The following LINGO2 variants were observed in gnomAD, a reference collection of about 807,000 sequenced individuals.
LINGO2 encodes the protein leucine rich repeat and Ig domain containing 2.
LINGO2 carries 14 observed loss-of-function variants against 30.6 expected under a neutral mutation model. The observed-to-expected ratio is 0.46, with a 90% CI of 0.30 to 0.72. The LOEUF is 0.72. Ranked by LOEUF, LINGO2 falls within the 30% of genes least tolerant of loss-of-function variation. LINGO2 has a pLI of 0.07. For missense variants in LINGO2, 729 were observed against 751.7 expected (o/e 0.97, Z 0.35); for synonymous variants, 317 against 288.5 (o/e 1.10, Z -1.00).
chr9:28,439,612 ACTCT>A (rs1379066490), intron 2 of LINGO2, among the ~76,000 whole-genome samples: 1 of 150,208 alleles, frequency 6.7e-6, no homozygotes, highest in African/African-American at 2.5e-5. Flanking sequence ...CTTCCCCTTC[ACTCT>A]CTCATCCTCC....
At chr9:29,079,930 CAT>C in the LINGO2 span, among the ~76,000 whole-genome samples, 1 of 152,136 alleles carries the variant, frequency 6.6e-6, no homozygotes, top group African/African-American at 2.4e-5. Flanking sequence ...AACTTACAAA[CAT>C]TAACTCATTT....
the LINGO2 span, among the ~76,000 whole-genome samples, chr9:29,004,225 C>A: frequency 6.6e-6 from 1 of 151,448 alleles, no homozygotes; most frequent in African/African-American, 2.4e-5. Context: ...TGTGATATTT[C>A]TCTCTCTCTT....
chr9:28,113,939 C>T (rs1826852302), intron 4 of LINGO2, among the ~76,000 whole-genome samples: 1 of 52,670 alleles, frequency 1.9e-5, no homozygotes, highest in Non-Finnish European at 4.0e-5. Flanking sequence ...CCAGAACTTC[C>T]AACGCTATGT....
chr9:28,023,632 T>A (rs1384847204), intron 4 of LINGO2, among the ~76,000 whole-genome samples: 3 of 152,222 alleles, frequency 2.0e-5, no homozygotes, highest in Non-Finnish European at 4.4e-5. Flanking sequence ...GATGCTGAAG[T>A]CAGAGAAATA....
At chr9:27,967,971 G>T (rs16912130) in intron 5 of LINGO2, among the ~76,000 whole-genome samples, 5,093 of 152,140 alleles carry the variant, frequency 0.033, 295 homozygotes, top group African/African-American at 0.12. Context: ...TTTTTTGCCT[G>T]TAACTTTAGC....
chr9:28,739,203 T>A, the LINGO2 span, among the ~76,000 whole-genome samples: 1 of 152,020 alleles, frequency 6.6e-6, no homozygotes, highest in African/African-American at 2.4e-5. Flanking sequence ...ACAAATGCCA[T>A]CATAAAGGTC....
intron 4 of LINGO2, among the ~76,000 whole-genome samples, chr9:28,104,601 A>G (rs1295077393): frequency 6.6e-6 from 1 of 151,880 alleles, no homozygotes; most frequent in Non-Finnish European, 1.5e-5. Context: ...TGATCCTAAG[A>G]TGGAACACCC....
chr9:29,118,156 T>C, the LINGO2 span, among the ~76,000 whole-genome samples: 1 of 152,156 alleles, frequency 6.6e-6, no homozygotes, highest in Non-Finnish European at 1.5e-5. Flanking sequence ...TCTTCATTGC[T>C]GTTGGTATTT....
the LINGO2 span, among the ~76,000 whole-genome samples, chr9:28,722,807 T>C: frequency 6.6e-6 from 1 of 152,166 alleles, no homozygotes; most frequent in Non-Finnish European, 1.5e-5. Flanking sequence ...AATAGGACTT[T>C]GCTGTTTGCC....
the LINGO2 span, among the ~76,000 whole-genome samples, chr9:28,784,050 T>A: frequency 6.6e-6 from 1 of 152,218 alleles, no homozygotes; most frequent in South Asian, 2.1e-4. Context: ...TTCGGGTTTA[T>A]AATTTCATCC....
chr9:28,286,866 C>A (rs545686805), intron 4 of LINGO2, among the ~76,000 whole-genome samples: 1 of 152,102 alleles, frequency 6.6e-6, no homozygotes, highest in South Asian at 2.1e-4. Flanking sequence ...TGGTACTAGA[C>A]TTAACACCTG....
At chr9:28,769,518 ATTTTTTTTTTTTTTTTTT>A in the LINGO2 span, among the ~76,000 whole-genome samples, 4 of 4,084 alleles carry the variant, frequency 9.8e-4, no homozygotes, top group African/African-American at 2.1e-3. Flanking sequence ...ATATATATAT[ATTTTTTTTTTTTTTTTTT>A]TTTTTTTTTA....
intron 5 of LINGO2, among the ~76,000 whole-genome samples, chr9:27,986,608 G>C (rs1228239620): frequency 6.6e-6 from 1 of 151,846 alleles, no homozygotes; most frequent in Non-Finnish European, 1.5e-5. Context: ...AGAATGCACA[G>C]GAAAGAAAGG....
At chr9:28,414,940 G>C (rs191740740) in intron 2 of LINGO2, among the ~76,000 whole-genome samples, 1 of 151,878 alleles carries the variant, frequency 6.6e-6, no homozygotes, top group Admixed American at 6.6e-5. Context: ...AAAAATAAGG[G>C]GTTATTTAAA....
intron 1 of LINGO2, among the ~76,000 whole-genome samples, chr9:28,613,368 A>C (rs2135793606): frequency 6.6e-6 from 1 of 152,070 alleles, no homozygotes; most frequent in South Asian, 2.1e-4. Context: ...ATAGTAGAAT[A>C]TGTGTATATA....
At chr9:28,062,803 G>T (rs576826134) in intron 4 of LINGO2, among the ~76,000 whole-genome samples, 4 of 150,672 alleles carry the variant, frequency 2.7e-5, no homozygotes, top group Non-Finnish European at 5.9e-5. Context: ...CAGTTTTTTG[G>T]TACGTTCATA....
At chr9:28,016,032 T>TTAAGGAAA (rs1230145306) in intron 4 of LINGO2, among the ~76,000 whole-genome samples, 2 of 149,630 alleles carry the variant, frequency 1.3e-5, no homozygotes, top group African/African-American at 4.9e-5. Flanking sequence ...CAGGGATATA[T>TTAAGGAAA]TAAGGAAATG....
intron 1 of LINGO2, among the ~76,000 whole-genome samples, chr9:28,636,648 C>G (rs1827291580): frequency 1.3e-5 from 2 of 152,062 alleles, no homozygotes; most frequent in Non-Finnish European, 2.9e-5. Context: ...TGTTCATATC[C>G]TTTGCCCACT....
the LINGO2 span, among the ~76,000 whole-genome samples, chr9:28,829,623 C>T: frequency 2.0e-5 from 3 of 152,164 alleles, no homozygotes; most frequent in South Asian, 6.2e-4. Flanking sequence ...CGCAGTGGCT[C>T]ACACCTTTAA....
Sources: gnomAD v4.1 joint callset for allele counts (sites outside exome capture counted in the v4.1 genomes callset) on GRCh38, gnomAD v4.1.1 for gene constraint, MANE v1.5 for transcripts, NCBI Gene and HGNC (gene_info 2026-07-23, HGNC 2026-07-21) for gene names.